Variants in CTNNA2 observed in about 807,000 individuals in gnomAD.
CTNNA2 encodes catenin alpha 2, also known as catenin alpha-2.
In CTNNA2, 42 loss-of-function variants were observed where a neutral mutation model predicts 101.0. The ratio of observed to expected loss-of-function variants is 0.42; its 90% CI spans 0.32 to 0.54. The LOEUF is 0.54. Ranked by LOEUF, CTNNA2 falls within the 20% of genes least tolerant of loss-of-function variation. The probability of loss-of-function intolerance (pLI) is 0.14; values close to 1 mark genes in which losing one functional copy is unlikely to be tolerated. For synonymous variants in CTNNA2, 450 were observed against 456.4 expected (o/e 0.99, Z 0.18); for missense variants, 871 against 1,223.1 (o/e 0.71, Z 4.29).
At chr2:79,700,872 A>G (rs1390728010) in intron 2 of CTNNA2, among the ~76,000 whole-genome samples, 1 of 152,158 alleles carries the variant, frequency 6.6e-6, no homozygotes, top group Non-Finnish European at 1.5e-5. Flanking sequence ...CTAACAGCAT[A>G]CACTACATAT....
intron 7 of CTNNA2, chr2:80,288,835 G>A (rs1446915629): frequency 1.3e-5 from 2 of 152,166 alleles, no homozygotes; most frequent in African/African-American, 4.8e-5. Context: ...CAGTTCTTTG[G>A]GGTTGGTGGC....
At chr2:79,819,799 G>T (rs1677861699) in intron 3 of CTNNA2, among the ~76,000 whole-genome samples, 1 of 151,826 alleles carries the variant, frequency 6.6e-6, no homozygotes, top group South Asian at 2.1e-4. Context: ...TGAAAGAGTG[G>T]AATTAGAATG....
intron 9 of CTNNA2, among the ~76,000 whole-genome samples, chr2:80,464,294 G>A (rs1190699757): frequency 1.3e-5 from 2 of 152,154 alleles, no homozygotes; most frequent in Non-Finnish European, 2.9e-5. Flanking sequence ...ATAATTTACG[G>A]GTTCTTGAGC....
chr2:80,419,718 G>A, intron 9 of CTNNA2, 117 bp downstream of exon 9: 1 of 1,077,652 alleles, frequency 9.3e-7, no homozygotes, highest in Non-Finnish European at 1.3e-6. Context: ...TAAAGTCCTG[G>A]AATCATTCTT....
chr2:80,183,660 G>A (rs909678869), intron 7 of CTNNA2, among the ~76,000 whole-genome samples: 1 of 152,060 alleles, frequency 6.6e-6, no homozygotes, highest in Admixed American at 6.6e-5. Flanking sequence ...TGTTTATAAT[G>A]TTTCATCTGC....
intron 3 of CTNNA2, among the ~76,000 whole-genome samples, chr2:79,341,245 G>A (rs181179954): frequency 1.4e-4 from 21 of 152,230 alleles, no homozygotes; most frequent in Admixed American, 8.5e-4. Flanking sequence ...TCAGACCTTA[G>A]CGTACTTACA....
intron 3 of CTNNA2, among the ~76,000 whole-genome samples, chr2:79,779,733 CAG>C (rs1202155057): frequency 1.3e-5 from 2 of 152,084 alleles, no homozygotes; most frequent in Non-Finnish European, 2.9e-5. Flanking sequence ...GACAGTCACA[CAG>C]AGAGGAGCCA....
At chr2:79,618,453 G>C (rs1192774436) in intron 1 of CTNNA2, among the ~76,000 whole-genome samples, 1 of 152,046 alleles carries the variant, frequency 6.6e-6, no homozygotes, top group East Asian at 1.9e-4. Flanking sequence ...TGAGGTATTA[G>C]AATTTATTTT....
intron 7 of CTNNA2, among the ~76,000 whole-genome samples, chr2:80,327,345 G>A (rs1488333418): frequency 3.9e-5 from 6 of 152,206 alleles, no homozygotes; most frequent in Non-Finnish European, 1.5e-5. Flanking sequence ...CACAGGATGG[G>A]AATGGATTTG....
chr2:80,206,694 C>T (rs1413485335), intron 7 of CTNNA2, among the ~76,000 whole-genome samples: 1 of 152,138 alleles, frequency 6.6e-6, no homozygotes, highest in Non-Finnish European at 1.5e-5. Flanking sequence ...CCTACATCTC[C>T]CACTCTGAGG....
At chr2:80,127,046 A>T (rs2148888429) in intron 7 of CTNNA2, among the ~76,000 whole-genome samples, 1 of 152,286 alleles carries the variant, frequency 6.6e-6, no homozygotes, top group South Asian at 2.1e-4. Context: ...GACAAAAGAC[A>T]GGAAACATTT....
intron 6 of CTNNA2, among the ~76,000 whole-genome samples, chr2:79,903,364 A>G (rs1685203204): frequency 6.6e-6 from 1 of 151,944 alleles, no homozygotes; most frequent in Non-Finnish European, 1.5e-5. Context: ...TGCCAAAGCT[A>G]ACTTCCTTAG....
intron 7 of CTNNA2, among the ~76,000 whole-genome samples, chr2:80,172,573 G>A (rs140449270): frequency 7.9e-5 from 12 of 152,310 alleles, no homozygotes; most frequent in Non-Finnish European, 1.8e-4. Flanking sequence ...CAAGCCCACT[G>A]TATTAGTTTC....
intron 7 of CTNNA2, among the ~76,000 whole-genome samples, chr2:80,043,627 C>A (rs1050005654): frequency 2.6e-5 from 4 of 152,140 alleles, no homozygotes; most frequent in African/African-American, 7.2e-5. Flanking sequence ...CTTCACAATA[C>A]CCTTAGAAGG....
intron 1 of CTNNA2, among the ~76,000 whole-genome samples, chr2:79,605,430 G>A (rs1056555253): frequency 2.0e-5 from 3 of 151,952 alleles, no homozygotes; most frequent in Admixed American, 6.5e-5. Context: ...CTATAAAACC[G>A]GAGATCAAAG....
rs1692988937 is a variant in CTNNA2 at position 80,555,900 on chromosome 2, A to G, written c.1741+7A>G. On this transcript the variant is annotated splice_region_variant and intron_variant, in intron 12 of 18. Transcript: ENST00000402739. ...AAATTGCTTTCTGAAACAGGTAAGC[A>G]TGGGTATTGGGTCTGGCCAAAATGT... 7 of 1,528,856 alleles carry G rather than the reference A, an allele frequency of 4.6e-6. No individual in the cohort carries two copies. The highest frequency in any genetic ancestry group is 4.0e-5 in the South Asian group (3 of 74,730). The allele number at this position is 1,528,856 out of a possible 1,614,324, so 94.7% of individuals were successfully genotyped here.
intron 3 of CTNNA2, among the ~76,000 whole-genome samples, chr2:79,855,415 C>T (rs1409504043): frequency 2.0e-5 from 3 of 152,180 alleles, no homozygotes. Flanking sequence ...ACACTTCTGC[C>T]AGATGCCCGA....
intron 2 of CTNNA2, among the ~76,000 whole-genome samples, chr2:79,675,793 G>A (rs928148172): frequency 3.3e-5 from 5 of 152,130 alleles, no homozygotes; most frequent in Admixed American, 6.5e-5. Flanking sequence ...ATTAATGCAC[G>A]AATATGTTTC....
intron 7 of CTNNA2, among the ~76,000 whole-genome samples, chr2:79,918,807 A>G (rs1686443959): frequency 6.6e-6 from 1 of 152,240 alleles, no homozygotes; most frequent in Non-Finnish European, 1.5e-5. Flanking sequence ...ACATAAGTTG[A>G]CCTTCCAGAA....
Sources: allele counts gnomAD v4.1 joint callset (sites outside exome capture counted in the v4.1 genomes callset), GRCh38; gene constraint gnomAD v4.1.1; transcripts MANE v1.5; gene names NCBI Gene and HGNC (gene_info 2026-07-23, HGNC 2026-07-21).